RBFOX1: variants seen among roughly 807,000 people sequenced by gnomAD.
The protein encoded by RBFOX1 is RNA binding fox-1 homolog 1.
In RBFOX1, 8 loss-of-function variants were observed where a neutral mutation model predicts 57.7. That is an observed-to-expected ratio of 0.14 (90% CI 0.08 to 0.25). The LOEUF (loss-of-function observed/expected upper bound fraction) is 0.25, where lower values mean the gene tolerates loss of function less well. RBFOX1 is among the 10% of genes least tolerant of loss of function. The pLI is 1.00. For synonymous variants in RBFOX1, 326 were observed against 222.4 expected (o/e 1.47, Z -4.15); for missense variants, 611 against 548.5 (o/e 1.11, Z -1.14).
At chr16:6,026,794 T>C (rs2095204650) in intron 1 of RBFOX1, among the ~76,000 whole-genome samples, 1 of 152,224 alleles carries the variant, frequency 6.6e-6, no homozygotes, top group South Asian at 2.1e-4. Flanking sequence ...CTGGCCTCTT[T>C]ATCTAGGCTC....
chr16:6,553,792 G>C (rs929141017), intron 2 of RBFOX1, among the ~76,000 whole-genome samples: 1 of 152,144 alleles, frequency 6.6e-6, no homozygotes, highest in African/African-American at 2.4e-5. Context: ...TTTCCTAAAG[G>C]GTAGAAGGAA....
chr16:5,438,542 A>G (rs1195627553), intron 1 of RBFOX1, among the ~76,000 whole-genome samples: 1 of 152,122 alleles, frequency 6.6e-6, no homozygotes, highest in Non-Finnish European at 1.5e-5. Flanking sequence ...TTCTGCAGGA[A>G]AGGCTCCCCA....
At chr16:7,227,546 G>A (rs942018761) in intron 4 of RBFOX1, among the ~76,000 whole-genome samples, 3 of 152,152 alleles carry the variant, frequency 2.0e-5, no homozygotes, top group African/African-American at 7.2e-5. Flanking sequence ...GGTTTCCCTG[G>A]GGGCAGCTTT....
At chr16:7,211,150 G>C (rs896279442) in intron 4 of RBFOX1, among the ~76,000 whole-genome samples, 1 of 151,400 alleles carries the variant, frequency 6.6e-6, no homozygotes, top group Non-Finnish European at 1.5e-5. Flanking sequence ...CCAGCACTTT[G>C]GGAGGCCGAG....
chr16:5,986,031 C>G (rs1393040386), intron 4 of RBFOX1, among the ~76,000 whole-genome samples: 1 of 150,252 alleles, frequency 6.7e-6, no homozygotes, highest in Non-Finnish European at 1.5e-5. Flanking sequence ...CAAAATTCCT[C>G]TTTATTTTCT....
intron 4 of RBFOX1, among the ~76,000 whole-genome samples, chr16:7,323,170 T>C (rs2096567780): frequency 6.6e-6 from 1 of 152,204 alleles, no homozygotes; most frequent in African/African-American, 2.4e-5. Context: ...ATGCCTGTAA[T>C]GCCAGGACTT....
intron 13 of RBFOX1, among the ~76,000 whole-genome samples, chr16:7,665,723 G>C (rs1182200613): frequency 6.6e-6 from 1 of 152,146 alleles, no homozygotes; most frequent in Non-Finnish European, 1.5e-5. Context: ...TTTTGAATAA[G>C]TAGGCAGTGT....
chr16:6,218,331 C>G (rs1452286111), intron 1 of RBFOX1, among the ~76,000 whole-genome samples: 1 of 151,942 alleles, frequency 6.6e-6, no homozygotes, highest in African/African-American at 2.4e-5. Context: ...TTTTTTGAGA[C>G]ACAGTCTCAC....
intron 3 of RBFOX1, among the ~76,000 whole-genome samples, chr16:7,000,111 A>G (rs1310777179): frequency 6.6e-6 from 1 of 152,000 alleles, no homozygotes; most frequent in Non-Finnish European, 1.5e-5. Flanking sequence ...AGGTGTCCAA[A>G]CATCATATTA....
intron 1 of RBFOX1, among the ~76,000 whole-genome samples, chr16:6,135,440 G>A (rs377237501): frequency 3.1e-4 from 47 of 152,294 alleles, no homozygotes; most frequent in African/African-American, 1.1e-3. Context: ...AGGAAGAGTG[G>A]TGGGAGTGTA....
chr16:7,168,750 T>C (rs2080080002), intron 4 of RBFOX1, among the ~76,000 whole-genome samples: 1 of 152,212 alleles, frequency 6.6e-6, no homozygotes, highest in Non-Finnish European at 1.5e-5. Flanking sequence ...TAACACATTA[T>C]TTATTCACTC....
chr16:5,905,562 A>T (rs1004455946), intron 4 of RBFOX1, among the ~76,000 whole-genome samples: 1 of 152,044 alleles, frequency 6.6e-6, no homozygotes, highest in African/African-American at 2.4e-5. Context: ...AAAATGCAAA[A>T]ACTGGCTGGA....
chr16:5,407,807 C>A (rs943997694), intron 1 of RBFOX1, among the ~76,000 whole-genome samples: 18 of 152,184 alleles, frequency 1.2e-4, no homozygotes, highest in African/African-American at 4.3e-4. Flanking sequence ...CCCCGGCCTC[C>A]CAAAGTGCTG....
chr16:6,181,639 G>A (rs1478308271), intron 1 of RBFOX1, among the ~76,000 whole-genome samples: 2 of 152,090 alleles, frequency 1.3e-5, no homozygotes, highest in African/African-American at 2.4e-5. Flanking sequence ...GGGGGGAGGA[G>A]GGTCCCCACA....
chr16:6,715,728 G>T (rs186976388), intron 3 of RBFOX1, among the ~76,000 whole-genome samples: 8 of 152,172 alleles, frequency 5.3e-5, no homozygotes, highest in African/African-American at 1.9e-4. Context: ...TTTATGGGTG[G>T]TTTTTATCCA....
chr16:6,743,990 A>C (rs534946413), intron 3 of RBFOX1, among the ~76,000 whole-genome samples: 2 of 151,796 alleles, frequency 1.3e-5, no homozygotes, highest in East Asian at 3.9e-4. Flanking sequence ...ATATAAAGCA[A>C]GTGGTGTGTT....
intron 4 of RBFOX1, among the ~76,000 whole-genome samples, chr16:7,197,662 G>C (rs561892714): frequency 1.9e-4 from 29 of 152,198 alleles, no homozygotes; most frequent in African/African-American, 5.8e-4. Flanking sequence ...TAGCTAAAAG[G>C]TGGAAACAAC....
intron 4 of RBFOX1, among the ~76,000 whole-genome samples, chr16:7,133,781 G>GA (rs1048489508): frequency 5.3e-5 from 8 of 150,644 alleles, no homozygotes; most frequent in Non-Finnish European, 7.4e-5. Flanking sequence ...GATCTGCCAT[G>GA]AAAAAAAAAG....
At chr16:7,032,137 T>G (rs2042957453) in intron 3 of RBFOX1, among the ~76,000 whole-genome samples, 1 of 152,028 alleles carries the variant, frequency 6.6e-6, no homozygotes, top group Admixed American at 6.6e-5. Flanking sequence ...TTAAAAATCT[T>G]ATCTTGGCGG....
Sources: gnomAD v4.1 joint callset for allele counts (sites outside exome capture counted in the v4.1 genomes callset) on GRCh38, gnomAD v4.1.1 for gene constraint, MANE v1.5 for transcripts, NCBI Gene and HGNC (gene_info 2026-07-23, HGNC 2026-07-21) for gene names.